Variants in AKAP6 observed in about 807,000 individuals in gnomAD.
The protein encoded by AKAP6 is A-kinase anchor protein 6.
In AKAP6, 58 loss-of-function variants were observed where a neutral mutation model predicts 188.5. That is an observed-to-expected ratio of 0.31 (90% CI 0.25 to 0.38). AKAP6 has a LOEUF of 0.38. Among genes scored for constraint, AKAP6 ranks in the 10% least tolerant of loss-of-function variants. The probability of loss-of-function intolerance (pLI) is 1.00; values close to 1 mark genes in which losing one functional copy is unlikely to be tolerated. For missense variants in AKAP6, 2,710 were observed against 2,740.0 expected (o/e 0.99, Z 0.24); for synonymous variants, 989 against 998.6 (o/e 0.99, Z 0.18).
chr14:32,542,283 G>T (rs1882988933), intron 3 of AKAP6, among the ~76,000 whole-genome samples: 2 of 152,120 alleles, frequency 1.3e-5, no homozygotes, highest in African/African-American at 2.4e-5. Flanking sequence ...TTATAGGAAG[G>T]CATAGAGAGA....
rs1237426804 is a variant in AKAP6, at chr14:32,832,692, T to C, written c.*2887T>C. On this transcript the variant is annotated 3_prime_UTR_variant, in exon 14 of 14. Transcript: ENST00000280979. ...CTGTTCCACTGTTGGGCATATCTCT[T>C]TGTTAGAAAGTTCTTTCTTAGGTTG... The C allele has an allele frequency of 1.3e-5, 2 of 152,446 alleles. No individual in the cohort carries two copies. The highest frequency in any genetic ancestry group is 6.5e-5 in the Admixed American group (1 of 15,276). 9.4% of individuals were successfully genotyped at this position (152,446 alleles called of 1,614,324 possible).
At chr14:32,553,423 T>C (rs1883563375) in intron 4 of AKAP6, among the ~76,000 whole-genome samples, 1 of 152,128 alleles carries the variant, frequency 6.6e-6, no homozygotes, top group South Asian at 2.1e-4. Flanking sequence ...CCACTTGCCT[T>C]GGCCTCCCGA....
intron 11 of AKAP6, among the ~76,000 whole-genome samples, chr14:32,745,491 C>G (rs868772573): frequency 2.4e-4 from 28 of 115,130 alleles, no homozygotes; most frequent in African/African-American, 5.8e-4. Flanking sequence ...CTCTCTCTCT[C>G]TCTCTGTCTC....
chr14:32,506,095 A>T (rs1364604137), intron 2 of AKAP6, among the ~76,000 whole-genome samples: 1 of 152,100 alleles, frequency 6.6e-6, no homozygotes, highest in Non-Finnish European at 1.5e-5. Flanking sequence ...GTGAGCCAAG[A>T]TCATGTCACT....
At chr14:32,652,849 T>C (rs917129411) in intron 7 of AKAP6, among the ~76,000 whole-genome samples, 3 of 152,128 alleles carry the variant, frequency 2.0e-5, no homozygotes, top group African/African-American at 7.2e-5. Flanking sequence ...ACCCAGGAGT[T>C]TGAAACCAGC....
intron 7 of AKAP6, among the ~76,000 whole-genome samples, chr14:32,655,015 A>C (rs952771301): frequency 1.3e-5 from 2 of 152,208 alleles, no homozygotes; most frequent in African/African-American, 4.8e-5. Flanking sequence ...AAATATTTTC[A>C]TGAGGAAATC....
intron 2 of AKAP6, among the ~76,000 whole-genome samples, chr14:32,482,313 C>A (rs956698592): frequency 5.3e-5 from 8 of 152,136 alleles, no homozygotes; most frequent in Non-Finnish European, 1.0e-4. Context: ...TATACTCTCC[C>A]TTTTGTTCAG....
At chr14:32,692,804 A>G (rs1017492043) in intron 8 of AKAP6, among the ~76,000 whole-genome samples, 3 of 152,158 alleles carry the variant, frequency 2.0e-5, no homozygotes, top group African/African-American at 4.8e-5. Flanking sequence ...AGTGGTGCAC[A>G]TGTATGAAAA....
chr14:32,824,438 G>A lies in AKAP6; in HGVS notation c.6625G>A (p.Asp2209Asn). ...TAGTTCTCTTTCAGCTGATGATGCA[G>A]ATACAGTGGCTCTTTCAAGTCCTTC... ...SDSSLSADDA[D>N]TVALSSPSSQ... Residue 2209 changes from aspartate (D) to asparagine (N), a missense_variant, in exon 13 of 14, where the codon GAT (aspartate) becomes AAT (asparagine). Coordinates refer to ENST00000280979, the MANE Select transcript of AKAP6 (RefSeq NM_004274.5). 1 of 1,613,942 alleles carries A rather than the reference G, an allele frequency of 6.2e-7. No homozygotes were observed. The highest frequency in any genetic ancestry group is 1.3e-5 in the African/African-American group (1 of 75,036).
intron 12 of AKAP6, among the ~76,000 whole-genome samples, chr14:32,787,724 A>G (rs887049117): frequency 2.6e-5 from 4 of 152,182 alleles, no homozygotes; most frequent in Non-Finnish European, 5.9e-5. Flanking sequence ...TATGCATGTC[A>G]AAAACAGCTC....
chr14:32,527,836 A>G (rs778197854), intron 2 of AKAP6, among the ~76,000 whole-genome samples: 1 of 152,026 alleles, frequency 6.6e-6, no homozygotes, highest in South Asian at 2.1e-4. Flanking sequence ...AGACTTCTTT[A>G]TATATTTTGA....
At chr14:32,607,462 G>T (rs1886171818) in intron 7 of AKAP6, among the ~76,000 whole-genome samples, 1 of 152,152 alleles carries the variant, frequency 6.6e-6, no homozygotes, top group Admixed American at 6.6e-5. Context: ...ACTAAATTGT[G>T]CCTAAAGTAA....
chr14:32,528,243 CT>C (rs1882228350), intron 2 of AKAP6, among the ~76,000 whole-genome samples: 1 of 151,804 alleles, frequency 6.6e-6, no homozygotes, highest in African/African-American at 2.4e-5. Flanking sequence ...GCCTTTGCTC[CT>C]TTGTCGAACA....
At position 32,568,763 on chromosome 14, in the gene AKAP6, G is replaced by A. The variant is rs1417722506; in HGVS notation, c.2347-8357G>A. 2.0e-5 allele frequency among the ~76,000 whole-genome samples: 3 copies of A among 152,188 alleles called. No individual in the cohort carries two copies. Among genetic ancestry groups the A allele is most frequent in the South Asian group, 2.1e-4 (1 of 4,830 alleles). On this transcript the variant is annotated intron_variant, in intron 4 of 13. Transcript: ENST00000280979. The surrounding 1 kb of genome is among the most constrained non-coding windows in gnomAD (Gnocchi z 6.2). The stretch of plus-strand genomic sequence containing the variant: ...GTTTCCTCACTATAAAATGGAGAGT[G>A]CAGTAATATTGTATCATAGGGTTGT...
rs71115086 is a variant in AKAP6, at chr14:32,615,167, C to CAAAAAAAAAAAAAAAAAAAAAAAA, written c.2730+14394_2730+14395insAAAAAAAAAAAAAAAAAAAAAAAA. Reference sequence around the variant, plus strand: ...CTGGCAACAGAGCAAGACTCTGTCTCAAAAAAAAAAAAAAAAAAAGATAAA... The same window carrying CAAAAAAAAAAAAAAAAAAAAAAAA: ...CTGGCAACAGAGCAAGACTCTGTCTCAAAAAAAAAAAAAAAAAAAAAAAAAAAAAAAAAAAAAAAAAAAGATAAA... On this transcript the variant is annotated intron_variant, in intron 7 of 13. Transcript: ENST00000280979. 4.5e-3 allele frequency among the ~76,000 whole-genome samples: 239 copies of CAAAAAAAAAAAAAAAAAAAAAAAA among 53,470 alleles called. 39 individuals carry two copies. The highest frequency in any genetic ancestry group is 0.011 in the East Asian group (21 of 1,836). The allele number at this position is 53,470 out of a possible 152,430, so 35.1% of individuals were successfully genotyped here. A position where few individuals can be genotyped will look rare whatever the true frequency, so the allele number is the denominator to read the frequency against.
chr14:32,771,160 T>C (rs922068119), intron 11 of AKAP6, among the ~76,000 whole-genome samples: 9 of 152,180 alleles, frequency 5.9e-5, no homozygotes, highest in Non-Finnish European at 1.2e-4. Context: ...AGCCCATTTA[T>C]GTAGAAAAAT....
At chr14:32,407,366 T>C (rs1889330041) in intron 1 of AKAP6, among the ~76,000 whole-genome samples, 1 of 152,190 alleles carries the variant, frequency 6.6e-6, no homozygotes, top group Non-Finnish European at 1.5e-5. Flanking sequence ...TCCCCACTGT[T>C]CTCAGGCCTG....
At chr14:32,716,543 A>G (rs956209770) in intron 9 of AKAP6, among the ~76,000 whole-genome samples, 1 of 149,512 alleles carries the variant, frequency 6.7e-6, no homozygotes, top group Non-Finnish European at 1.5e-5. Flanking sequence ...CATATATACT[A>G]TATACTATGT....
At chr14:32,354,583 A>C (rs1305406825) in intron 1 of AKAP6, among the ~76,000 whole-genome samples, 1 of 152,090 alleles carries the variant, frequency 6.6e-6, no homozygotes, top group Non-Finnish European at 1.5e-5. Context: ...AACTTATCCT[A>C]TTGCTCTGGC....
Sources: gnomAD v4.1 joint callset for allele counts (sites outside exome capture counted in the v4.1 genomes callset) on GRCh38, gnomAD v4.1.1 for gene constraint, Gnocchi (gnomAD v3.1) non-coding constraint, MANE v1.5 for transcripts, NCBI Gene and HGNC (gene_info 2026-07-23, HGNC 2026-07-21) for gene names.